Variants in DISC1 observed in about 807,000 individuals in gnomAD.
DISC1 encodes the protein disrupted in schizophrenia 1 protein.
Under a neutral mutation model 84.5 loss-of-function variants are expected in DISC1, and 57 were observed. The ratio of observed to expected loss-of-function variants is 0.67; its 90% CI spans 0.55 to 0.84. The LOEUF is 0.84. Ranked by LOEUF, DISC1 falls within the 40% of genes least tolerant of loss-of-function variation. DISC1 has a pLI of 0.00. For synonymous variants in DISC1, 411 were observed against 415.2 expected, an observed-to-expected ratio of 0.99 and a Z score of 0.12; for missense variants, 1,000 against 1,057.8, an observed-to-expected ratio of 0.95 and a Z score of 0.76.
chr1:232,038,570 G>C lies in DISC1; in HGVS notation c.*1739G>C, dbSNP rs983695526. The C allele has an allele frequency of 9.9e-5, 15 of 152,054 alleles. No homozygotes were observed. In the South Asian group the frequency reaches 1.2e-3, roughly 13 times the overall value. 9.4% of individuals were successfully genotyped at this position (152,054 alleles called of 1,614,324 possible). On this transcript the variant is annotated 3_prime_UTR_variant, in exon 13 of 13. Coordinates refer to ENST00000439617, the MANE Select transcript of DISC1 (RefSeq NM_018662.3). ...TAACCTCAAACTTTCCAAGTTTAATGGATCGTGAATTTTTTTCATGTAACT... is the reference window on the plus strand; with the variant it reads ...TAACCTCAAACTTTCCAAGTTTAATCGATCGTGAATTTTTTTCATGTAACT...
chr1:231,993,554 A>C (rs541217170), intron 10 of DISC1, among the ~76,000 whole-genome samples: 1 of 152,308 alleles, frequency 6.6e-6, no homozygotes, highest in South Asian at 2.1e-4. Context: ...TGAGGAAAAT[A>C]ACAAGTTTAA....
intron 3 of DISC1, among the ~76,000 whole-genome samples, chr1:231,727,277 T>C (rs1197004187): frequency 6.6e-6 from 1 of 152,186 alleles, no homozygotes; most frequent in African/African-American, 2.4e-5. Flanking sequence ...CTGCTACTGA[T>C]ATTTTTGCTA....
intron 9 of DISC1, among the ~76,000 whole-genome samples, chr1:231,853,259 C>A (rs886441997): frequency 9.9e-5 from 15 of 152,204 alleles, no homozygotes; most frequent in African/African-American, 3.6e-4. Flanking sequence ...AGTCCTACAT[C>A]ATTTAATGTT....
chr1:231,874,460 A>G (rs2085711889), intron 9 of DISC1, among the ~76,000 whole-genome samples: 1 of 151,920 alleles, frequency 6.6e-6, no homozygotes, highest in Non-Finnish European at 1.5e-5. Flanking sequence ...CGCCCAGCCA[A>G]TATTCTTAAA....
chr1:231,889,428 A>G (rs1073179), intron 9 of DISC1, among the ~76,000 whole-genome samples: 50,427 of 152,126 alleles, frequency 0.33, 8,589 homozygotes, highest in Non-Finnish European at 0.36. Context: ...TTGTATGTAG[A>G]GTATCATTTT....
intron 9 of DISC1, among the ~76,000 whole-genome samples, chr1:231,825,381 T>C (rs1266537117): frequency 6.6e-6 from 1 of 152,222 alleles, no homozygotes; most frequent in Non-Finnish European, 1.5e-5. Context: ...TCTGCCAGAT[T>C]TTCTGCTTTG....
At chr1:232,015,410 G>C (rs1041250338) in intron 11 of DISC1, among the ~76,000 whole-genome samples, 1 of 152,150 alleles carries the variant, frequency 6.6e-6, no homozygotes, top group African/African-American at 2.4e-5. Context: ...ATCGATAGCA[G>C]GATGGCGTCT....
Position 231,849,628 on chromosome 1 carries a change from A to G in DISC1, c.1981+31111A>G, listed in dbSNP as rs369137074. 2.5e-4 allele frequency among the ~76,000 whole-genome samples: 38 copies of G among 152,260 alleles called. No homozygotes were observed. The South Asian group carries it at 7.9e-3, about 32-fold the overall frequency. ...TCCCTCATACCATTTTGCTTATCAAATGATCCTTTAGGTTCTTTCCAAGTG... is the reference window on the plus strand; with the variant it reads ...TCCCTCATACCATTTTGCTTATCAAGTGATCCTTTAGGTTCTTTCCAAGTG... On this transcript the variant is annotated intron_variant, in intron 9 of 12. Coordinates refer to ENST00000439617, the MANE Select transcript of DISC1 (RefSeq NM_018662.3).
intron 1 of DISC1, among the ~76,000 whole-genome samples, 161 bp from the exon 2 acceptor site, chr1:231,693,665 A>T (rs2065306919): frequency 6.6e-6 from 1 of 152,120 alleles, no homozygotes; most frequent in African/African-American, 2.4e-5. Context: ...GATTGTCAGG[A>T]TTTACATAAT....
At chr1:232,027,795 G>C (rs976527334) in intron 12 of DISC1, among the ~76,000 whole-genome samples, 10 of 105,288 alleles carry the variant, frequency 9.5e-5, no homozygotes, top group Non-Finnish European at 1.7e-4. Flanking sequence ...TTTATGGGCT[G>C]TGTGTGTGTG....
chr1:231,787,750 G>T (rs1216771691), intron 6 of DISC1, among the ~76,000 whole-genome samples: 10 of 152,242 alleles, frequency 6.6e-5, no homozygotes, highest in Non-Finnish European at 8.8e-5. Flanking sequence ...TTGGCAGCAT[G>T]TTGGCAGTGA....
At chr1:231,818,563 G>T (rs571789580) in intron 9 of DISC1, 46 bp downstream of exon 9, 1 of 1,610,540 alleles carries the variant, frequency 6.2e-7, no homozygotes, top group Non-Finnish European at 8.5e-7. Flanking sequence ...GATGATATTT[G>T]TTGTGTTTTG....
intron 9 of DISC1, among the ~76,000 whole-genome samples, chr1:231,841,728 C>T: frequency 6.6e-6 from 1 of 152,136 alleles, no homozygotes; most frequent in East Asian, 1.9e-4. Context: ...ACAGCTTTAA[C>T]TTAGTCTCCT....
intron 2 of DISC1, among the ~76,000 whole-genome samples, chr1:231,696,754 A>AT (rs1474518389): frequency 6.6e-6 from 1 of 152,264 alleles, no homozygotes; most frequent in Non-Finnish European, 1.5e-5. Flanking sequence ...GTACAGTCAC[A>AT]TGCTGCACAG....
chr1:231,679,634 A>G (rs947850476), intron 1 of DISC1, among the ~76,000 whole-genome samples: 1 of 152,246 alleles, frequency 6.6e-6, no homozygotes, highest in East Asian at 1.9e-4. Flanking sequence ...GCTTTGTTCA[A>G]GATGATTCTG....
intron 9 of DISC1, among the ~76,000 whole-genome samples, chr1:231,854,453 G>A (rs1339611987): frequency 1.3e-5 from 2 of 152,072 alleles, no homozygotes; most frequent in African/African-American, 2.4e-5. Flanking sequence ...TTTCCATATA[G>A]TTCTTTTATA....
intron 9 of DISC1, among the ~76,000 whole-genome samples, chr1:231,820,713 G>A (rs113750304): frequency 6.6e-6 from 1 of 152,290 alleles, no homozygotes; most frequent in African/African-American, 2.4e-5. Context: ...AAAGAAGGAA[G>A]AGAGCTCATC....
intron 4 of DISC1, among the ~76,000 whole-genome samples, chr1:231,755,754 C>G (rs1225384383): frequency 6.6e-6 from 1 of 152,230 alleles, no homozygotes; most frequent in Non-Finnish European, 1.5e-5. Context: ...TCCTCCCTTT[C>G]CATCCCTCCC....
At chr1:231,642,113 C>T (rs2059757473) in intron 1 of DISC1, among the ~76,000 whole-genome samples, 1 of 152,238 alleles carries the variant, frequency 6.6e-6, no homozygotes, top group Non-Finnish European at 1.5e-5. Flanking sequence ...CAGCCAAGGC[C>T]TTGCGAGAAA....
Sources: gnomAD v4.1 joint callset for allele counts (sites outside exome capture counted in the v4.1 genomes callset) on GRCh38, gnomAD v4.1.1 for gene constraint, MANE v1.5 for transcripts, NCBI Gene and HGNC (gene_info 2026-07-23, HGNC 2026-07-21) for gene names.